Variants in FAM135B observed in about 807,000 individuals in gnomAD.
FAM135B encodes family with sequence similarity 135 member B.
FAM135B carries 43 observed loss-of-function variants against 127.7 expected under a neutral mutation model. The ratio of observed to expected loss-of-function variants is 0.34; its 90% CI spans 0.26 to 0.43. The LOEUF (loss-of-function observed/expected upper bound fraction) is 0.43, where lower values mean the gene tolerates loss of function less well. Among genes scored for constraint, FAM135B ranks in the 20% least tolerant of loss-of-function variants. The pLI is 1.00. For missense variants in FAM135B, 1,558 were observed against 1,725.6 expected (o/e 0.90, Z 1.72); for synonymous variants, 670 against 665.1 (o/e 1.01, Z -0.11).
Position 138,284,352 on chromosome 8 carries a change from C to T in FAM135B, c.158-18510G>A, listed in dbSNP as rs1225905451. ...CCAGTGGCCTTCCTTCTGCTCAGCC[C>T]GACTCCTGTGCAGACTTTCTCCACA... On this transcript the variant is annotated intron_variant, in intron 3 of 19. Coordinates refer to ENST00000395297, the MANE Select transcript of FAM135B (RefSeq NM_015912.4). Among the ~76,000 whole-genome samples the T allele has an allele frequency of 7.9e-5, 12 of 152,198 alleles. No individual in the cohort carries two copies. The South Asian group carries it at 1.9e-3, about 24-fold the overall frequency.
chr8:138,433,558 T>TAAATAAAG (rs1835309090), intron 1 of FAM135B, among the ~76,000 whole-genome samples: 1 of 148,914 alleles, frequency 6.7e-6, no homozygotes, highest in African/African-American at 2.5e-5. Flanking sequence ...AATAAATAAA[T>TAAATAAAG]AAATAAATAA....
chr8:138,249,401 C>T (rs77404820), intron 6 of FAM135B, among the ~76,000 whole-genome samples: 7,842 of 152,164 alleles, frequency 0.052, 607 homozygotes, highest in African/African-American at 0.17. Flanking sequence ...TTCATATATG[C>T]GAATGGGCCC....
At position 138,241,474 on chromosome 8, in the gene FAM135B, T is replaced by C. The variant is rs1042831966; in HGVS notation, c.669+1468A>G. On this transcript the variant is annotated intron_variant, in intron 7 of 19. Coordinates refer to ENST00000395297, the MANE Select transcript of FAM135B (RefSeq NM_015912.4). The surrounding 1 kb of genome is among the most constrained non-coding windows in gnomAD (Gnocchi z 4.8). ...TGCTTCTCAGGACCATAAAATCATG[T>C]GACACAGCAGCTTGGACAAGATGAA... is the stretch of plus-strand genomic sequence containing the variant. 3.9e-5 allele frequency among the ~76,000 whole-genome samples: 6 copies of C among 152,184 alleles called. No homozygotes were observed. The highest frequency in any genetic ancestry group is 1.4e-4 in the African/African-American group (6 of 41,438).
chr8:138,456,935 C>A (rs146435717), intron 1 of FAM135B, among the ~76,000 whole-genome samples: 18 of 150,338 alleles, frequency 1.2e-4, no homozygotes, highest in African/African-American at 4.4e-4. Flanking sequence ...AAAGATAAAA[C>A]GGGGGAAGGA....
chr8:138,311,112 G>C lies in FAM135B; in HGVS notation c.78-192C>G, dbSNP rs138597589. 7.0e-4 allele frequency among the ~76,000 whole-genome samples: 106 copies of C among 152,312 alleles called. 2 individuals carry two copies. The highest frequency in any genetic ancestry group is 2.5e-3 in the African/African-American group (104 of 41,572). On this transcript the variant is annotated intron_variant, in intron 2 of 19. Transcript: ENST00000395297. The stretch of plus-strand genomic sequence containing the variant: ...AGAGGGAAGTGACGGGGCAGTGTTG[G>C]AGATTGGAAGTTGAGTTCACTTGAG...
intron 6 of FAM135B, among the ~76,000 whole-genome samples, chr8:138,244,488 G>T (rs1821129925): frequency 1.3e-5 from 2 of 152,104 alleles, no homozygotes; most frequent in Non-Finnish European, 2.9e-5. Flanking sequence ...GTGGTTGTTG[G>T]GGTCCCATGG....
intron 2 of FAM135B, among the ~76,000 whole-genome samples, chr8:138,360,165 TAG>T (rs1422352055): frequency 6.6e-6 from 1 of 152,210 alleles, no homozygotes; most frequent in African/African-American, 2.4e-5. Flanking sequence ...CAGTTTGATT[TAG>T]AGTTTTGTCT....
At chr8:138,376,524 C>T (rs945954534) in intron 1 of FAM135B, among the ~76,000 whole-genome samples, 1 of 152,198 alleles carries the variant, frequency 6.6e-6, no homozygotes, top group African/African-American at 2.4e-5. Context: ...TCAGTGGTTT[C>T]TCTGGCCCTT....
intron 2 of FAM135B, among the ~76,000 whole-genome samples, chr8:138,330,893 AGTACAGTGG>A (rs1018623302): frequency 1.3e-5 from 2 of 149,706 alleles, no homozygotes; most frequent in African/African-American, 4.9e-5. Flanking sequence ...CCCAGGCTGG[AGTACAGTGG>A]CATGATCTCA....
chr8:138,332,163 A>C (rs1828231924), intron 2 of FAM135B, among the ~76,000 whole-genome samples: 1 of 152,114 alleles, frequency 6.6e-6, no homozygotes, highest in African/African-American at 2.4e-5. Flanking sequence ...CTTCATCTTC[A>C]GTCCAAGAGT....
At chr8:138,459,209 C>T (rs1836982308) in intron 1 of FAM135B, 1 of 152,142 alleles carries the variant, frequency 6.6e-6, no homozygotes, top group South Asian at 2.1e-4. Context: ...TTGCCGTAAA[C>T]ATCAGTAGCC....
chr8:138,423,232 T>A (rs1423211665), intron 1 of FAM135B, among the ~76,000 whole-genome samples: 1 of 152,188 alleles, frequency 6.6e-6, no homozygotes, highest in Non-Finnish European at 1.5e-5. Flanking sequence ...AACTTACCTA[T>A]GTAAAAAATC....
rs144468244 is a variant in FAM135B, at chr8:138,164,794, G to A, written c.1258+3101C>T. ...GCTCTGACCACCTTGGGTACATGTCGTCAGGACCTCCTGAGGCTGTGTCAC... is the reference window on the plus strand; with the variant it reads ...GCTCTGACCACCTTGGGTACATGTCATCAGGACCTCCTGAGGCTGTGTCAC... On this transcript the variant is annotated intron_variant, in intron 12 of 19. Transcript: ENST00000395297. Among the ~76,000 whole-genome samples, 123 of 152,288 alleles carry A rather than the reference G, an allele frequency of 8.1e-4. 1 individual carries two copies. The highest frequency in any genetic ancestry group is 2.5e-3 in the African/African-American group (102 of 41,562).
chr8:138,246,257 A>T (rs563699338), intron 6 of FAM135B, among the ~76,000 whole-genome samples: 15 of 152,334 alleles, frequency 9.8e-5, no homozygotes, highest in Non-Finnish European at 1.9e-4. Flanking sequence ...TTAATCACCA[A>T]GGAAATGGGG....
chr8:138,181,988 G>A (rs1235809130), intron 9 of FAM135B, among the ~76,000 whole-genome samples: 1 of 152,074 alleles, frequency 6.6e-6, no homozygotes, highest in Non-Finnish European at 1.5e-5. Context: ...TTTACAAAAT[G>A]AATAGGTGGC....
intron 3 of FAM135B, among the ~76,000 whole-genome samples, chr8:138,278,030 C>T (rs1823967056): frequency 6.6e-6 from 1 of 151,998 alleles, no homozygotes; most frequent in Non-Finnish European, 1.5e-5. Flanking sequence ...GGTATATGCC[C>T]CTTGTGCTCA....
At chr8:138,337,696 T>C (rs954674576) in intron 2 of FAM135B, among the ~76,000 whole-genome samples, 23 of 152,060 alleles carry the variant, frequency 1.5e-4, no homozygotes, top group Non-Finnish European at 2.5e-4. Flanking sequence ...AGGTAATTTA[T>C]AGATTCAATG....
chr8:138,245,407 T>C (rs916702708), intron 6 of FAM135B, among the ~76,000 whole-genome samples: 7 of 152,138 alleles, frequency 4.6e-5, no homozygotes, highest in Non-Finnish European at 8.8e-5. Flanking sequence ...AATTGAATCA[T>C]GGGGGTGGTT....
intron 3 of FAM135B, among the ~76,000 whole-genome samples, chr8:138,294,961 G>C (rs1825369985): frequency 6.6e-6 from 1 of 151,970 alleles, no homozygotes; most frequent in Non-Finnish European, 1.5e-5. Flanking sequence ...ATTTCCTCTG[G>C]TTCATAGTCA....
Sources: gnomAD v4.1 joint callset for allele counts (sites outside exome capture counted in the v4.1 genomes callset) on GRCh38, gnomAD v4.1.1 for gene constraint, Gnocchi (gnomAD v3.1) non-coding constraint, MANE v1.5 for transcripts, NCBI Gene and HGNC (gene_info 2026-07-23, HGNC 2026-07-21) for gene names.